GRID2: variants seen among roughly 807,000 people sequenced by gnomAD.
GRID2 encodes the protein glutamate ionotropic receptor delta type subunit 2.
GRID2 carries 33 observed loss-of-function variants against 114.8 expected under a neutral mutation model. The observed-to-expected ratio is 0.29, with a 90% CI of 0.22 to 0.38. The LOEUF (loss-of-function observed/expected upper bound fraction) is 0.38. Ranked by LOEUF, GRID2 falls within the 10% of genes least tolerant of loss-of-function variation. The pLI is 1.00. For synonymous variants in GRID2, 505 were observed against 449.9 expected (o/e 1.12, Z -1.55); for missense variants, 1,184 against 1,257.7 (o/e 0.94, Z 0.89).
chr4:92,787,743 G>A (rs1464778178), intron 2 of GRID2, among the ~76,000 whole-genome samples: 1 of 151,850 alleles, frequency 6.6e-6, no homozygotes, highest in Non-Finnish European at 1.5e-5. Flanking sequence ...AACAAATGAA[G>A]AAAGCAAAGT....
At chr4:93,528,731 A>T (rs1731168198) in intron 13 of GRID2, among the ~76,000 whole-genome samples, 2 of 152,114 alleles carry the variant, frequency 1.3e-5, no homozygotes, top group Non-Finnish European at 2.9e-5. Context: ...ACCAGCCCCC[A>T]GCAAAAGAAG....
At chr4:92,322,869 G>T in intron 1 of GRID2, among the ~76,000 whole-genome samples, 1 of 152,012 alleles carries the variant, frequency 6.6e-6, no homozygotes. Context: ...GCAGAAAAAA[G>T]GACAAATAGC....
chr4:93,184,182 G>T (rs1243161074), intron 4 of GRID2, among the ~76,000 whole-genome samples: 1 of 152,098 alleles, frequency 6.6e-6, no homozygotes, highest in African/African-American at 2.4e-5. Context: ...TCAGGAACAA[G>T]AAAGGCAGGT....
intron 1 of GRID2, among the ~76,000 whole-genome samples, chr4:92,447,569 A>G (rs1290953812): frequency 6.6e-6 from 1 of 152,176 alleles, no homozygotes; most frequent in Non-Finnish European, 1.5e-5. Context: ...TTAACTTCTT[A>G]TCTTAGTCCA....
intron 1 of GRID2, among the ~76,000 whole-genome samples, chr4:92,353,663 C>A (rs1728180232): frequency 6.6e-6 from 1 of 151,980 alleles, no homozygotes; most frequent in South Asian, 2.1e-4. Context: ...AATAAACACA[C>A]AAATAGCCAT....
chr4:93,176,472 C>A (rs1739352052), intron 4 of GRID2, among the ~76,000 whole-genome samples: 1 of 152,084 alleles, frequency 6.6e-6, no homozygotes, highest in African/African-American at 2.4e-5. Context: ...AAAGATAAAA[C>A]ATGAATTTAA....
At chr4:92,788,872 A>G (rs76752146) in intron 2 of GRID2, among the ~76,000 whole-genome samples, 4,996 of 151,772 alleles carry the variant, frequency 0.033, 139 homozygotes, top group East Asian at 0.12. Context: ...TTTGACAATT[A>G]TATGTTGCAA....
At chr4:92,584,832 C>T (rs530665611) in intron 1 of GRID2, among the ~76,000 whole-genome samples, 3 of 152,038 alleles carry the variant, frequency 2.0e-5, no homozygotes, top group African/African-American at 7.2e-5. Flanking sequence ...AACAAGGACA[C>T]CTAACCTCCT....
At chr4:93,398,133 G>GTGTGTGTGTGTATGTGTATATATA in intron 9 of GRID2, among the ~76,000 whole-genome samples, 1 of 122,336 alleles carries the variant, frequency 8.2e-6, no homozygotes, top group African/African-American at 3.9e-5. Flanking sequence ...ATGTGTGTGT[G>GTGTGTGTGTGTATGTGTATATATA]TATATATATA....
intron 1 of GRID2, among the ~76,000 whole-genome samples, chr4:93,780,112 G>A (rs1734449857): frequency 1.3e-5 from 2 of 152,168 alleles, no homozygotes; most frequent in South Asian, 4.1e-4. Flanking sequence ...TTGGGAGGTG[G>A]TAAGTGCTGT....
At chr4:92,513,172 T>C (rs1724339127) in intron 1 of GRID2, among the ~76,000 whole-genome samples, 1 of 151,874 alleles carries the variant, frequency 6.6e-6, no homozygotes, top group East Asian at 1.9e-4. Flanking sequence ...AAAAGCTGAC[T>C]CTTTCTTAAT....
In GRID2 at chr4:92,873,910, C is replaced by A. The variant is rs554340218; in HGVS notation, c.245-211085C>A. Reference sequence around the variant, plus strand: ...TGTATTTGTAGTAGAGACGGGGTTTCACCATGCTGGTCAGGCTGGTCTCGA... The same window carrying A: ...TGTATTTGTAGTAGAGACGGGGTTTAACCATGCTGGTCAGGCTGGTCTCGA... On this transcript the variant is annotated intron_variant, in intron 2 of 15. Coordinates refer to ENST00000282020, the MANE Select transcript of GRID2 (RefSeq NM_001510.4). Among the ~76,000 whole-genome samples the A allele has an allele frequency of 2.6e-4, 40 of 152,210 alleles. No individual in the cohort carries two copies. In the South Asian group the frequency reaches 7.7e-3, roughly 29 times the overall value.
intron 2 of GRID2, among the ~76,000 whole-genome samples, chr4:92,820,065 C>A (rs1264843117): frequency 6.6e-6 from 1 of 152,098 alleles, no homozygotes; most frequent in Non-Finnish European, 1.5e-5. Context: ...CAAATGACAA[C>A]ATAAGATACT....
chr4:93,316,337 A>AAAGAAAGAAAGAAAG (rs775550025), intron 8 of GRID2, among the ~76,000 whole-genome samples: 4 of 57,620 alleles, frequency 6.9e-5, no homozygotes, highest in African/African-American at 1.8e-4. Context: ...AGAAAGAAAG[A>AAAGAAAGAAAGAAAG]AAGAAGGAAG....
chr4:92,945,463 G>C (rs972923970), intron 2 of GRID2, among the ~76,000 whole-genome samples: 6 of 152,014 alleles, frequency 3.9e-5, no homozygotes, highest in African/African-American at 1.4e-4. Context: ...ATGTGGCTAG[G>C]TTTTTTACAA....
chr4:93,800,514 TTTGTA>T (rs1332582304), intron 1 of GRID2, among the ~76,000 whole-genome samples: 25 of 152,330 alleles, frequency 1.6e-4, no homozygotes, highest in African/African-American at 5.5e-4. Context: ...TACTCATGTA[TTTGTA>T]TTGTATTAAA....
At chr4:92,842,177 A>G (rs1172582474) in intron 2 of GRID2, among the ~76,000 whole-genome samples, 2 of 152,134 alleles carry the variant, frequency 1.3e-5, no homozygotes, top group Non-Finnish European at 2.9e-5. Context: ...AACAGCATGC[A>G]TTAGGGTTTT....
chr4:93,755,249 T>C (rs1211503513), intron 14 of GRID2, among the ~76,000 whole-genome samples: 2 of 152,204 alleles, frequency 1.3e-5, no homozygotes, highest in Admixed American at 6.5e-5. Flanking sequence ...TTGGTGCTGC[T>C]GGTTGAAGAA....
chr4:93,204,666 G>A (rs959262035), intron 4 of GRID2, among the ~76,000 whole-genome samples: 8 of 152,086 alleles, frequency 5.3e-5, no homozygotes, highest in Admixed American at 3.9e-4. Context: ...CATACTTTAA[G>A]ATGAAGAGCC....
Sources: gnomAD v4.1 joint callset for allele counts (sites outside exome capture counted in the v4.1 genomes callset) on GRCh38, gnomAD v4.1.1 for gene constraint, MANE v1.5 for transcripts, NCBI Gene and HGNC (gene_info 2026-07-23, HGNC 2026-07-21) for gene names.